Variants in TNFAIP8L3 observed in about 807,000 individuals in gnomAD.
TNFAIP8L3 encodes TNF alpha induced protein 8 like 3.
Under a neutral mutation model 11.8 loss-of-function variants are expected in TNFAIP8L3, and 7 were observed. The observed-to-expected ratio is 0.59, with a 90% CI of 0.34 to 1.11. The LOEUF is 1.11. Among genes scored for constraint, TNFAIP8L3 ranks in the 50% most tolerant of loss-of-function variants. The pLI is 0.03. For missense variants in TNFAIP8L3, 219 were observed against 258.6 expected, an observed-to-expected ratio of 0.85 and a Z score of 1.05; for synonymous variants, 98 against 103.8, an observed-to-expected ratio of 0.94 and a Z score of 0.34.
At chr15:51,079,874 A>G (rs12909687) in intron 1 of TNFAIP8L3, among the ~76,000 whole-genome samples, 28,751 of 147,452 alleles carry the variant, frequency 0.19, 3,381 homozygotes, top group East Asian at 0.43. Flanking sequence ...AAAAAAAAAA[A>G]AAAAAGAAAG....
chr15:51,059,782 T>C (rs1382431153), intron 1 of TNFAIP8L3, among the ~76,000 whole-genome samples: 2 of 152,268 alleles, frequency 1.3e-5, no homozygotes, highest in African/African-American at 4.8e-5. Context: ...AGAGCTTTTG[T>C]CCAGTGCTTT....
intron 1 of TNFAIP8L3, among the ~76,000 whole-genome samples, chr15:51,103,763 G>A (rs919831191): frequency 3.3e-5 from 5 of 152,064 alleles, no homozygotes; most frequent in South Asian, 4.1e-4. Context: ...CCAGGAACTC[G>A]GTTCATCCTC....
intron 1 of TNFAIP8L3, among the ~76,000 whole-genome samples, chr15:51,066,299 A>T (rs1193986888): frequency 1.3e-5 from 2 of 151,858 alleles, no homozygotes. Flanking sequence ...AGTAGCTGGG[A>T]CTACAGGTAC....
upstream of TNFAIP8L3, among the ~76,000 whole-genome samples, chr15:51,095,687 T>G (rs1391500990): frequency 6.6e-6 from 1 of 152,154 alleles, no homozygotes; most frequent in Non-Finnish European, 1.5e-5. Context: ...TATTTACTAA[T>G]TAAGAGCCCA....
chr15:51,092,883 T>C (rs377078904), intron 1 of TNFAIP8L3, among the ~76,000 whole-genome samples: 7 of 152,288 alleles, frequency 4.6e-5, no homozygotes, highest in African/African-American at 1.7e-4. Context: ...AGCCTCCTTA[T>C]CCTCCTCCCG....
At chr15:51,100,332 G>C (rs2065541457) in intron 1 of TNFAIP8L3, among the ~76,000 whole-genome samples, 1 of 152,126 alleles carries the variant, frequency 6.6e-6, no homozygotes, top group Non-Finnish European at 1.5e-5. Context: ...ACCTAGGAAG[G>C]AGGTATCCAG....
intron 1 of TNFAIP8L3, among the ~76,000 whole-genome samples, chr15:51,068,080 T>C (rs1595607897): frequency 6.6e-6 from 1 of 152,228 alleles, no homozygotes; most frequent in Non-Finnish European, 1.5e-5. Flanking sequence ...GTTAAATGCT[T>C]TGTATTTAAA....
chr15:51,080,667 A>C (rs2065384651), intron 1 of TNFAIP8L3, among the ~76,000 whole-genome samples: 1 of 152,250 alleles, frequency 6.6e-6, no homozygotes, highest in Non-Finnish European at 1.5e-5. Flanking sequence ...GTAAAGGAGA[A>C]AAAGGCAAAA....
Position 51,072,989 on chromosome 15 carries a change from C to CTTTTTTTTTTTTTTTTTTT in TNFAIP8L3, c.53-14547_53-14546insAAAAAAAAAAAAAAAAAAA, listed in dbSNP as rs2065321403. On this transcript the variant is annotated intron_variant, in intron 1 of 1. Coordinates refer to ENST00000637513, the MANE Select transcript of TNFAIP8L3 (RefSeq NM_001311175.2). ...ATGTTGATCTGAAGTAAACTGGGAT[C>CTTTTTTTTTTTTTTTTTTT]CTTTTTTTTTTTTTTTTTTTTTTTG... Among the ~76,000 whole-genome samples, 16 of 45,752 alleles carry CTTTTTTTTTTTTTTTTTTT rather than the reference C, an allele frequency of 3.5e-4. 8 individuals carry two copies. The highest frequency in any genetic ancestry group is 2.1e-4 in the African/African-American group (2 of 9,672). 30.0% of individuals were successfully genotyped at this position (45,752 alleles called of 152,430 possible).
intron 1 of TNFAIP8L3, among the ~76,000 whole-genome samples, chr15:51,102,920 A>G: frequency 6.6e-6 from 1 of 152,300 alleles, no homozygotes; most frequent in South Asian, 2.1e-4. Context: ...CTGGAGTGGA[A>G]TTAACAAAAG....
upstream of TNFAIP8L3, among the ~76,000 whole-genome samples, chr15:51,094,952 C>A (rs967360068): frequency 2.0e-5 from 3 of 151,818 alleles, no homozygotes; most frequent in Admixed American, 2.0e-4. The surrounding 1 kb of genome is among the most constrained non-coding windows in gnomAD (Gnocchi z 4.4). Context: ...GGGGCGGCGC[C>A]GCGCCTCCCT....
At chr15:51,074,782 C>A (rs969423752) in intron 1 of TNFAIP8L3, among the ~76,000 whole-genome samples, 22 of 152,318 alleles carry the variant, frequency 1.4e-4, no homozygotes, top group Non-Finnish European at 2.1e-4. Flanking sequence ...ATCCAGTGGA[C>A]CCTCGCCCAG....
intron 1 of TNFAIP8L3, among the ~76,000 whole-genome samples, chr15:51,073,732 C>G (rs919108244): frequency 6.6e-6 from 1 of 152,210 alleles, no homozygotes. Flanking sequence ...TACATGGCAT[C>G]CTGGTCTTGT....
upstream of TNFAIP8L3, among the ~76,000 whole-genome samples, chr15:51,096,891 C>CAAA (rs56057102): frequency 1.0e-3 from 98 of 98,136 alleles, no homozygotes; most frequent in South Asian, 1.1e-3. Flanking sequence ...CACGCTGTCT[C>CAAA]AAAAAAAAAA....
intron 1 of TNFAIP8L3, among the ~76,000 whole-genome samples, chr15:51,077,077 G>GA (rs1300027089): frequency 6.6e-6 from 1 of 152,082 alleles, no homozygotes; most frequent in Admixed American, 6.5e-5. Flanking sequence ...ATCGACCTTG[G>GA]AGCCTCCAGC....
In TNFAIP8L3 at chr15:51,058,331, C is replaced by G. The variant is rs1265776025; in HGVS notation, c.165G>C (p.Glu55Asp). The G allele has an allele frequency of 6.2e-7, 1 of 1,614,012 alleles. No homozygotes were observed. The highest frequency in any genetic ancestry group is 1.3e-5 in the African/African-American group (1 of 74,892). Residue 55 changes from glutamate (E) to aspartate (D), a missense_variant, in exon 2 of 2, where the codon GAG (glutamate) becomes GAC (aspartate). Coordinates refer to ENST00000637513, the MANE Select transcript of TNFAIP8L3 (RefSeq NM_001311175.2). The part of the protein sequence containing the change: ...ANMLIDDTSS[E>D]IFDELYKVTK... ...TGACTTTGTAGAGCTCATCAAAGAT[C>G]TCGCTGCTGGTGTCATCAATCAACA...
intron 1 of TNFAIP8L3, among the ~76,000 whole-genome samples, chr15:51,076,419 G>T (rs535450605): frequency 3.9e-5 from 6 of 152,300 alleles, no homozygotes; most frequent in Admixed American, 3.3e-4. Context: ...CTTCCTGGAA[G>T]TTTCTCAGAA....
At chr15:51,058,582 A>G (rs1448616187) in intron 1 of TNFAIP8L3, 139 bp from the exon 2 acceptor site, 1 of 746,152 alleles carries the variant, frequency 1.3e-6, no homozygotes, top group Non-Finnish European at 2.1e-6. Flanking sequence ...CTCCCTAACT[A>G]AACCCCACCC....
chr15:51,065,671 G>A (rs576606421), intron 1 of TNFAIP8L3, among the ~76,000 whole-genome samples: 3 of 152,326 alleles, frequency 2.0e-5, no homozygotes, highest in East Asian at 3.9e-4. Flanking sequence ...AGGGTGAGGG[G>A]ACAGCTATTC....
Sources: allele counts gnomAD v4.1 joint callset (sites outside exome capture counted in the v4.1 genomes callset), GRCh38; gene constraint gnomAD v4.1.1; non-coding constraint Gnocchi (gnomAD v3.1); transcripts MANE v1.5; gene names NCBI Gene and HGNC (gene_info 2026-07-23, HGNC 2026-07-21).